KCNQ1OT1: variants seen among roughly 807,000 people sequenced by gnomAD.
KCNQ1OT1 encodes the protein KCNQ1 opposite strand/antisense transcript 1, also known as KCNQ1 antisense RNA 2 (non-protein coding).
At chr11:2,692,164 C>T (rs1850598846) in exon 1 of KCNQ1OT1, 1 of 398,630 alleles carries the variant, frequency 2.5e-6, no homozygotes, top group Non-Finnish European at 4.4e-6. Context: ...GTCACCCATC[C>T]TTTCAGTGGC....
chr11:2,662,396 C>CA (rs927653065), exon 1 of KCNQ1OT1: 20 of 505,338 alleles, frequency 4.0e-5, no homozygotes, highest in Middle Eastern at 5.1e-4. Context: ...CCCTGCCCCC[C>CA]AAAAAAGAGA....
exon 1 of KCNQ1OT1, chr11:2,686,309 G>A (rs1201093462): frequency 5.0e-6 from 2 of 398,594 alleles, no homozygotes; most frequent in East Asian, 3.6e-5. Context: ...GACCACACTA[G>A]TGTCACCTGG....
chr11:2,692,830 T>A (rs371832853), exon 1 of KCNQ1OT1: 6 of 398,522 alleles, frequency 1.5e-5, no homozygotes, highest in East Asian at 1.1e-4. Context: ...CAATGATCAT[T>A]CCCCTGCCTG....
rs34219164 is a variant in KCNQ1OT1 at position 2,674,832 on chromosome 11, TAAAAAAAAAAA to T, written n.25152_25162del. 1.8e-4 allele frequency: 55 copies of T among 303,864 alleles called. No individual in the cohort carries two copies. Among genetic ancestry groups the T allele is most frequent in the Non-Finnish European group, 2.5e-4 (48 of 188,594 alleles). The allele number at this position is 303,864 out of a possible 1,614,324, so 18.8% of individuals were successfully genotyped here. ...GCTTGTCACCCTAATAGCTGTTTTT[TAAAAAAAAAAA>T]AAAAAAAAAAAAAAAAAGCTCACTG... On this transcript the variant is annotated non_coding_transcript_exon_variant, in exon 1 of 1. Transcript: ENST00000597346. This position sits in a 1 kb window ranked among gnomAD's most constrained non-coding sequence, Gnocchi z 5.9.
chr11:2,688,308 C>T (rs1361702180), exon 1 of KCNQ1OT1: 1 of 398,656 alleles, frequency 2.5e-6, no homozygotes, highest in Non-Finnish European at 4.4e-6. Flanking sequence ...TCTGGAAAAT[C>T]TAAGCACGTC....
exon 1 of KCNQ1OT1, chr11:2,666,827 T>C: frequency 2.5e-6 from 1 of 398,680 alleles, no homozygotes; most frequent in South Asian, 1.3e-4. Context: ...GAAAGGACAT[T>C]CTGGGAACCA....
Position 2,698,165 on chromosome 11 carries a change from G to A in KCNQ1OT1, n.1830C>T. On this transcript the variant is annotated non_coding_transcript_exon_variant, in exon 1 of 1. Coordinates refer to ENST00000597346, the Ensembl canonical transcript of KCNQ1OT1. The surrounding 1 kb of genome is among the most constrained non-coding windows in gnomAD (Gnocchi z 5.1). ...AACAAAACAGAGTTCCTCGTTGGGA[G>A]CTTTTGGTCTAGCAAAAGGGGCACC... 2.5e-6 allele frequency: 1 copy of A among 398,624 alleles called. No individual in the cohort carries two copies. The highest frequency in any genetic ancestry group is 4.4e-6 in the Non-Finnish European group (1 of 226,076). The allele number at this position is 398,624 out of a possible 1,614,324, so 24.7% of individuals were successfully genotyped here. A position where few individuals can be genotyped will look rare whatever the true frequency, so the allele number is the denominator to read the frequency against.
exon 1 of KCNQ1OT1, chr11:2,697,442 G>A: frequency 2.5e-6 from 1 of 398,534 alleles, no homozygotes; most frequent in Non-Finnish European, 4.4e-6. Flanking sequence ...TTATCTTAAA[G>A]AGAATGATAC....
exon 1 of KCNQ1OT1, chr11:2,667,758 C>T (rs1045304950): frequency 5.3e-5 from 21 of 398,580 alleles, no homozygotes; most frequent in Admixed American, 1.8e-4. Context: ...CTGGGCCTAG[C>T]GGCCCTGAAG....
exon 1 of KCNQ1OT1, chr11:2,693,572 G>A (rs1382510786): frequency 2.5e-6 from 1 of 398,506 alleles, no homozygotes; most frequent in Non-Finnish European, 4.4e-6. Flanking sequence ...GGAGGAGCAG[G>A]GATTCTTCCA....
chr11:2,615,370 G>T (rs892534718), exon 1 of KCNQ1OT1: 1 of 397,762 alleles, frequency 2.5e-6, no homozygotes, highest in African/African-American at 2.1e-5. Flanking sequence ...TTTCCAATTT[G>T]GATGCTATTC....
Position 2,699,707 on chromosome 11 carries a change from G to GGCGCCGAGGAGTCCCCGGGGAGAACT in KCNQ1OT1, n.262_287dup, listed in dbSNP as rs1409790286. 32 of 216,154 alleles carry GGCGCCGAGGAGTCCCCGGGGAGAACT rather than the reference G, an allele frequency of 1.5e-4. No homozygotes were observed. In the African/African-American group the frequency reaches 1.6e-3, roughly 11 times the overall value. The allele number at this position is 216,154 out of a possible 1,614,324, so 13.4% of individuals were successfully genotyped here. A position where few individuals can be genotyped will look rare whatever the true frequency, so the allele number is the denominator to read the frequency against. On this transcript the variant is annotated non_coding_transcript_exon_variant, in exon 1 of 1. Coordinates refer to ENST00000597346, the Ensembl canonical transcript of KCNQ1OT1. ...AAGCCCCGGGTGCCCCGAGGAGAAC[G>GGCGCCGAGGAGTCCCCGGGGAGAACT]GCGCCGAGGAGTCCCCGGGGAGAAC...
In KCNQ1OT1 at chr11:2,663,131, G is replaced by A. The variant is rs1850000033; in HGVS notation, n.36864C>T. 2.5e-6 allele frequency: 1 copy of A among 398,754 alleles called. No individual in the cohort carries two copies. The highest frequency in any genetic ancestry group is 4.4e-6 in the Non-Finnish European group (1 of 226,162). The allele number at this position is 398,754 out of a possible 1,614,324, so 24.7% of individuals were successfully genotyped here. On this transcript the variant is annotated non_coding_transcript_exon_variant, in exon 1 of 1. Transcript: ENST00000597346. This position sits in a 1 kb window ranked among gnomAD's most constrained non-coding sequence, Gnocchi z 5.2. Reference sequence around the variant, plus strand: ...CTATCTTAAGGGGTAATTATGATCAGACAGGACCTGCCCACTGTCTTTCCA... The same window carrying A: ...CTATCTTAAGGGGTAATTATGATCAAACAGGACCTGCCCACTGTCTTTCCA...
Position 2,621,222 on chromosome 11 carries a change from CGCA to C in KCNQ1OT1, n.78770_78772del, listed in dbSNP as rs1849166672. On this transcript the variant is annotated non_coding_transcript_exon_variant, in exon 1 of 1. Transcript: ENST00000597346. This position sits in a 1 kb window ranked among gnomAD's most constrained non-coding sequence, Gnocchi z 5.7. ...CGAATACCTGACCCCAGATGATCCA[CGCA>C]CCTCAGCCTCCCAAAGTGCTAGGAC... is the stretch of plus-strand genomic sequence containing the variant. The C allele has an allele frequency of 1.8e-5, 7 of 397,800 alleles. No homozygotes were observed. Among genetic ancestry groups the C allele is most frequent in the Admixed American group, 4.4e-5 (1 of 22,702 alleles). The allele number at this position is 397,800 out of a possible 1,614,324, so 24.6% of individuals were successfully genotyped here.
At chr11:2,692,305 T>A in exon 1 of KCNQ1OT1, 1 of 398,954 alleles carries the variant, frequency 2.5e-6, no homozygotes, top group Non-Finnish European at 4.4e-6. Flanking sequence ...CTTCCCTCCA[T>A]CCCTATTGCC....
Position 2,668,668 on chromosome 11 carries a change from C to A in KCNQ1OT1, n.31327G>T. On this transcript the variant is annotated non_coding_transcript_exon_variant, in exon 1 of 1. Coordinates refer to ENST00000597346, the Ensembl canonical transcript of KCNQ1OT1. This position sits in a 1 kb window ranked among gnomAD's most constrained non-coding sequence, Gnocchi z 4.3. ...TATATATCTTTAGATATTCTGGAGT[C>A]ATTTGTCAGAGAGAGAGATACACAC... is the stretch of plus-strand genomic sequence containing the variant. The A allele has an allele frequency of 2.5e-6, 1 of 398,540 alleles. No individual in the cohort carries two copies. The highest frequency in any genetic ancestry group is 1.3e-4 in the South Asian group (1 of 7,832). The allele number at this position is 398,540 out of a possible 1,614,324, so 24.7% of individuals were successfully genotyped here. A position where few individuals can be genotyped will look rare whatever the true frequency, so the allele number is the denominator to read the frequency against.
rs923990603 is a variant in KCNQ1OT1 at position 2,651,281 on chromosome 11, G to C, written n.48714C>G. The C allele has an allele frequency of 7.5e-6, 3 of 398,546 alleles. No individual in the cohort carries two copies. Among genetic ancestry groups the C allele is most frequent in the Middle Eastern group, 6.2e-4 (1 of 1,612 alleles). The allele number at this position is 398,546 out of a possible 1,614,324, so 24.7% of individuals were successfully genotyped here. On this transcript the variant is annotated non_coding_transcript_exon_variant, in exon 1 of 1. Transcript: ENST00000597346. The surrounding 1 kb of genome is among the most constrained non-coding windows in gnomAD (Gnocchi z 6.1). Reference sequence around the variant, plus strand: ...TGTGCTGGTCACTTATTGAGAAAGAGCTTCATGGTGGGCAGCTGGGAAGCT... The same window carrying C: ...TGTGCTGGTCACTTATTGAGAAAGACCTTCATGGTGGGCAGCTGGGAAGCT...
chr11:2,685,671 G>A (rs1850475678), exon 1 of KCNQ1OT1: 1 of 398,628 alleles, frequency 2.5e-6, no homozygotes, highest in African/African-American at 2.1e-5. Context: ...AGAAGTTCAG[G>A]GGTCCCATGT....
Position 2,621,545 on chromosome 11 carries a change from A to T in KCNQ1OT1, n.78450T>A, listed in dbSNP as rs868130750. On this transcript the variant is annotated non_coding_transcript_exon_variant, in exon 1 of 1. Transcript: ENST00000597346. The surrounding 1 kb of genome is among the most constrained non-coding windows in gnomAD (Gnocchi z 5.7). ...TTCTTTTGCTATGCAGAAGCTCTTT[A>T]GTTTACCACTGTGATCTCTTTGCTA... The T allele has an allele frequency of 1.1e-4, 45 of 398,354 alleles. No individual in the cohort carries two copies. Among genetic ancestry groups the T allele is most frequent in the African/African-American group, 8.2e-4 (40 of 48,684 alleles). The allele number at this position is 398,354 out of a possible 1,614,324, so 24.7% of individuals were successfully genotyped here.
Sources: allele counts gnomAD v4.1 joint callset, GRCh38; gene constraint gnomAD v4.1.1; non-coding constraint Gnocchi (gnomAD v3.1); transcripts MANE v1.5; gene names NCBI Gene and HGNC (gene_info 2026-07-23, HGNC 2026-07-21).